FGD6: variants seen among roughly 807,000 people sequenced by gnomAD.
FGD6 encodes FYVE, RhoGEF and PH domain-containing protein 6.
FGD6 carries 90 observed loss-of-function variants against 149.4 expected under a neutral mutation model. The ratio of observed to expected loss-of-function variants is 0.60; its 90% CI spans 0.51 to 0.72. The LOEUF is 0.72. Ranked by LOEUF, FGD6 falls within the 30% of genes least tolerant of loss-of-function variation. The probability of loss-of-function intolerance (pLI) is 0.00; values close to 1 mark genes in which losing one functional copy is unlikely to be tolerated. For synonymous variants in FGD6, 527 were observed against 584.0 expected (o/e 0.90, Z 1.41); for missense variants, 1,437 against 1,684.8 (o/e 0.85, Z 2.57).
intron 5 of FGD6, among the ~76,000 whole-genome samples, chr12:95,145,894 G>T (rs1380615286): frequency 6.6e-6 from 1 of 152,024 alleles, no homozygotes; most frequent in Admixed American, 6.6e-5. Context: ...GACTGGTCTC[G>T]AACTCCTGAC....
intron 1 of FGD6, among the ~76,000 whole-genome samples, chr12:95,216,835 A>G (rs2056810554): frequency 6.6e-6 from 1 of 152,250 alleles, no homozygotes; most frequent in Non-Finnish European, 1.5e-5. Context: ...GCCAAATTGA[A>G]CACGCTGAGA....
At chr12:95,125,912 T>A in intron 8 of FGD6, 2 of 1,432,094 alleles carry the variant, frequency 1.4e-6, no homozygotes, top group Non-Finnish European at 2.0e-6. Flanking sequence ...AGGCCATGCC[T>A]TTCAAGTACA....
At chr12:95,097,979 G>T (rs536313869) in intron 14 of FGD6, among the ~76,000 whole-genome samples, 1 of 152,322 alleles carries the variant, frequency 6.6e-6, no homozygotes, top group African/African-American at 2.4e-5. Context: ...AGTTACAGGA[G>T]TTTGGCAGGG....
intron 3 of FGD6, among the ~76,000 whole-genome samples, chr12:95,167,863 C>T (rs1880867927): frequency 6.6e-6 from 1 of 152,024 alleles, no homozygotes; most frequent in Non-Finnish European, 1.5e-5. Context: ...GTGTGAGCCC[C>T]CGCGCCCAGC....
In FGD6 at chr12:95,107,633, T is replaced by C; in HGVS notation, c.3265-2A>G. 1 of 1,613,986 alleles carries C rather than the reference T, an allele frequency of 6.2e-7. No individual in the cohort carries two copies. Among genetic ancestry groups the C allele is most frequent in the Non-Finnish European group, 8.5e-7 (1 of 1,180,026 alleles). On this transcript the variant is annotated splice_acceptor_variant, in intron 11 of 20. Transcript: ENST00000343958. LOFTEE classifies it high-confidence loss of function. Reference sequence around the variant, plus strand: ...CAGAATTCCTTCTTTGAGAAAAACCTGATTCACCCAAACAAACACCCATTT... The same window carrying C: ...CAGAATTCCTTCTTTGAGAAAAACCCGATTCACCCAAACAAACACCCATTT...
chr12:95,217,181 C>T (rs1410900703), intron 1 of FGD6, 44 bp downstream of exon 1: 1 of 1,611,704 alleles, frequency 6.2e-7, no homozygotes, highest in Non-Finnish European at 8.5e-7. Flanking sequence ...CCTAGCAGCG[C>T]TCGCCACAAA....
At position 95,185,450 on chromosome 12, in the gene FGD6, G is replaced by GA. The variant is rs555309343; in HGVS notation, c.2442-12707dup. On this transcript the variant is annotated intron_variant, in intron 2 of 20. Transcript: ENST00000343958. ...CGAGGGAAGGAAAGGCAGCAGAGAAGAAAAAAAAAATGCTCTTTCAGCCTA... is the reference window on the plus strand; with the variant it reads ...CGAGGGAAGGAAAGGCAGCAGAGAAGAAAAAAAAAAATGCTCTTTCAGCCTA... Among the ~76,000 whole-genome samples, 1,129 of 149,366 alleles carry GA rather than the reference G, an allele frequency of 7.6e-3. 9 individuals are homozygous for GA. The highest frequency in any genetic ancestry group is 9.4e-3 in the Non-Finnish European group (632 of 67,192).
At chr12:95,162,100 C>CAAAAAAAAAAA (rs762218917) in intron 3 of FGD6, among the ~76,000 whole-genome samples, 1 of 61,808 alleles carries the variant, frequency 1.6e-5, no homozygotes, top group African/African-American at 5.7e-5. Flanking sequence ...CTGAAAAATA[C>CAAAAAAAAAAA]AAAAAAAAAA....
intron 3 of FGD6, among the ~76,000 whole-genome samples, chr12:95,167,308 G>A (rs183641999): frequency 1.3e-4 from 20 of 152,240 alleles, no homozygotes; most frequent in Admixed American, 3.9e-4. Context: ...TTTCAGAGCT[G>A]CCAGACTGTT....
At chr12:95,126,205 C>A in intron 8 of FGD6, 2 of 1,182,638 alleles carry the variant, frequency 1.7e-6, no homozygotes, top group Non-Finnish European at 1.2e-6. Context: ...GCTAAGGGTG[C>A]TGCTGCAGCT....
At chr12:95,172,041 G>GGA (rs1881007800) in intron 3 of FGD6, among the ~76,000 whole-genome samples, 1 of 138,260 alleles carries the variant, frequency 7.2e-6, no homozygotes. Flanking sequence ...TCTAAGGGGG[G>GGA]GGGGGTTGTT....
At chr12:95,108,671 T>G in intron 9 of FGD6, 110 bp from the exon 10 acceptor site, 1 of 1,224,108 alleles carries the variant, frequency 8.2e-7, no homozygotes, top group Non-Finnish European at 1.2e-6. Flanking sequence ...GCAACCAACC[T>G]CTGGAGGAGC....
chr12:95,180,773 C>T lies in FGD6; in HGVS notation c.2442-8029G>A, dbSNP rs143853831. Reference sequence around the variant, plus strand: ...TTACTTTTTCAAAGTTGACCACCCCCCCGACACACACAGAGTCTGAAAAGC... The same window carrying T: ...TTACTTTTTCAAAGTTGACCACCCCTCCGACACACACAGAGTCTGAAAAGC... On this transcript the variant is annotated intron_variant, in intron 2 of 20. Transcript: ENST00000343958. Among the ~76,000 whole-genome samples the T allele has an allele frequency of 3.2e-4, 48 of 152,056 alleles. No homozygotes were observed. In the East Asian group the frequency reaches 9.1e-3, roughly 29 times the overall value.
chr12:95,080,464 G>GTT lies in FGD6; in HGVS notation c.*1054_*1055dup, dbSNP rs1260867221. On this transcript the variant is annotated 3_prime_UTR_variant, in exon 21 of 21. Coordinates refer to ENST00000343958, the MANE Select transcript of FGD6 (RefSeq NM_018351.4). ...ATAGCTGCTTATAGAGAAAGGATTT[G>GTT]TTGTTTTTTTTTTTAATTAGGAGGG... The GTT allele has an allele frequency of 1.6e-4, 22 of 135,030 alleles. No individual in the cohort carries two copies. Among genetic ancestry groups the GTT allele is most frequent in the Admixed American group, 5.6e-4 (8 of 14,336 alleles). 8.4% of individuals were successfully genotyped at this position (135,030 alleles called of 1,614,324 possible).
chr12:95,156,740 G>A lies in FGD6; in HGVS notation c.2587-3747C>T, dbSNP rs190058830. Among the ~76,000 whole-genome samples the A allele has an allele frequency of 1.7e-4, 26 of 152,000 alleles. No homozygotes were observed. In the East Asian group the frequency reaches 1.7e-3, roughly 10 times the overall value. On this transcript the variant is annotated intron_variant, in intron 3 of 20. Coordinates refer to ENST00000343958, the MANE Select transcript of FGD6 (RefSeq NM_018351.4). ...CTCAGGGGGCATCACAGAACCTGCC[G>A]ACATGTGATGTCTCCCCCGGACACT... is the stretch of plus-strand genomic sequence containing the variant.
At chr12:95,122,521 C>T (rs1018461396) in intron 8 of FGD6, among the ~76,000 whole-genome samples, 1 of 151,348 alleles carries the variant, frequency 6.6e-6, no homozygotes, top group East Asian at 2.0e-4. Context: ...TGGCTCATGT[C>T]TGTAATTCCA....
At chr12:95,167,185 G>A (rs1880844092) in intron 3 of FGD6, among the ~76,000 whole-genome samples, 2 of 152,068 alleles carry the variant, frequency 1.3e-5, no homozygotes, top group Non-Finnish European at 2.9e-5. Context: ...TATGAATAAT[G>A]CTGTTATGAA....
At chr12:95,157,282 C>G (rs1292203709) in intron 3 of FGD6, among the ~76,000 whole-genome samples, 2 of 152,234 alleles carry the variant, frequency 1.3e-5, no homozygotes, top group South Asian at 4.1e-4. Flanking sequence ...AATATAAATA[C>G]TGGGCTGGGT....
chr12:95,200,867 T>C (rs1006282572), intron 2 of FGD6, among the ~76,000 whole-genome samples: 3 of 152,164 alleles, frequency 2.0e-5, no homozygotes, highest in Non-Finnish European at 4.4e-5. Context: ...GGCAGTTCCA[T>C]TCCTGAACTT....
Sources: allele counts gnomAD v4.1 joint callset (sites outside exome capture counted in the v4.1 genomes callset), GRCh38; gene constraint gnomAD v4.1.1; transcripts MANE v1.5; gene names NCBI Gene and HGNC (gene_info 2026-07-23, HGNC 2026-07-21).